Variants in STRAP observed in about 807,000 individuals in gnomAD.
STRAP encodes the protein serine/threonine kinase receptor associated protein.
Under a neutral mutation model 47.0 loss-of-function variants are expected in STRAP, and 16 were observed. That is an observed-to-expected ratio of 0.34 (90% CI 0.23 to 0.52). The LOEUF is 0.52. STRAP is among the 20% of genes least tolerant of loss of function. The pLI is 0.96. For missense variants in STRAP, 293 were observed against 420.0 expected (o/e 0.70, Z 2.64); for synonymous variants, 130 against 142.7 (o/e 0.91, Z 0.63).
In STRAP at chr12:15,900,944, C is replaced by T. The variant is rs2136114259; in HGVS notation, c.926-3C>T. The T allele has an allele frequency of 1.9e-6, 3 of 1,576,638 alleles. No individual in the cohort carries two copies. Among genetic ancestry groups the T allele is most frequent in the South Asian group, 1.2e-5 (1 of 83,908 alleles). Reference sequence around the variant, plus strand: ...ATAATCGTCATTGCTTTTCTTTTTACAGAAGAAGATAGTGGTGAGCTGGCA... The same window carrying T: ...ATAATCGTCATTGCTTTTCTTTTTATAGAAGAAGATAGTGGTGAGCTGGCA... On this transcript the variant is annotated splice_region_variant and splice_polypyrimidine_tract_variant and intron_variant, in intron 8 of 9. Coordinates refer to ENST00000419869, the MANE Select transcript of STRAP (RefSeq NM_007178.4).
intron 2 of STRAP, 49 bp downstream of exon 2, chr12:15,883,725 C>T: frequency 1.3e-6 from 2 of 1,593,922 alleles, no homozygotes; most frequent in Non-Finnish European, 1.7e-6. Flanking sequence ...TAGCTTGTGT[C>T]CTGAAATAAT....
chr12:15,883,692 A>T lies in STRAP; in HGVS notation c.248+16A>T, dbSNP rs1947943206. 4 of 1,612,984 alleles carry T rather than the reference A, an allele frequency of 2.5e-6. No individual in the cohort carries two copies. The highest frequency in any genetic ancestry group is 2.2e-5 in the East Asian group (1 of 44,868). ...ATTTCACAGCGTAAGTGTAGCCAAG[A>T]TGGCTAACTTTGGTGTTCTCTGTAG... On this transcript the variant is annotated intron_variant, in intron 2 of 9. Transcript: ENST00000419869.
rs765820617 is a variant in STRAP at position 15,889,971 on chromosome 12, G to C, written c.292G>C (p.Ala98Pro). Residue 98 changes from alanine (A) to proline (P), a missense_variant, in exon 3 of 10, where the codon GCT becomes CCT. Physicochemically the swap from Ala to Pro is conservative, Grantham distance 27. Around this residue, in one of 5 missense-constraint regions of STRAP, gnomAD observed 152 missense variants for 183.0 expected, o/e 0.83. Transcript: ENST00000419869. Reference sequence around the variant, plus strand: ...CTCAGGAGATGAATTGATGACCCTGGCTCATAAACACATTGTCAAGACTGT... The same window carrying C: ...CTCAGGAGATGAATTGATGACCCTGCCTCATAAACACATTGTCAAGACTGT... ...AVSGDELMTL[A>P]HKHIVKTVDF... 2.5e-6 allele frequency: 4 copies of C among 1,613,698 alleles called. No homozygotes were observed. Among genetic ancestry groups the C allele is most frequent in the South Asian group, 2.2e-5 (2 of 91,068 alleles).
rs1219426417 is a variant in STRAP, at chr12:15,894,139, G to C, written c.496G>C (p.Val166Leu). 4 of 1,611,510 alleles carry C rather than the reference G, an allele frequency of 2.5e-6. No individual in the cohort carries two copies. Among genetic ancestry groups the C allele is most frequent in the Non-Finnish European group, 3.4e-6 (4 of 1,178,678 alleles). ...GATTCTTTCTGCTGATGACAAAACT[G>C]TTCGGTAAGTAATTTTTCTTTAATA... ...KQILSADDKT[V>L]RLWDHATMTE... Residue 166 changes from valine to leucine, a missense_variant, in exon 5 of 10, where the codon GTT (valine) becomes CTT (leucine). Around this residue, in one of 5 missense-constraint regions of STRAP, gnomAD observed 152 missense variants for 183.0 expected, o/e 0.83. Transcript: ENST00000419869. This position sits in a 1 kb window ranked among gnomAD's most constrained non-coding sequence, Gnocchi z 4.9.
At chr12:15,900,882 A>C (rs1370056574) in intron 8 of STRAP, 65 bp from the exon 9 acceptor site, 1 of 1,341,888 alleles carries the variant, frequency 7.5e-7, no homozygotes, top group East Asian at 2.7e-5. Flanking sequence ...CTTCTTGCTT[A>C]TTGAACACTG....
At chr12:15,884,120 ACTC>A (rs1334049984) in intron 2 of STRAP, among the ~76,000 whole-genome samples, 1 of 152,076 alleles carries the variant, frequency 6.6e-6, no homozygotes, top group Non-Finnish European at 1.5e-5. Context: ...AAAAAACAAA[ACTC>A]AGCTGCTCGT....
Position 15,900,993 on chromosome 12 carries a change from G to A in STRAP, c.972G>A (p.Glu324=), listed in dbSNP as rs746926770. 6.1e-5 allele frequency: 97 copies of A among 1,597,690 alleles called. No individual in the cohort carries two copies. Among genetic ancestry groups the A allele is most frequent in the Non-Finnish European group, 2.0e-5 (23 of 1,172,156 alleles). Residue 324 remains glutamate (E), a synonymous_variant, in exon 9 of 10, where the codon GAG becomes GAA. Transcript: ENST00000419869. ...ELAKPKIGFP[E]TTEEELEEIA... ...CAAAGCCAAAGATTGGTTTTCCAGA[G>A]ACAACAGAAGAGGAGCTAGGTAAAT...
Position 15,894,617 on chromosome 12 carries a change from A to G in STRAP, c.500+474A>G, listed in dbSNP as rs1328495928. Among the ~76,000 whole-genome samples the G allele has an allele frequency of 6.6e-6, 1 of 152,220 alleles. No individual in the cohort carries two copies. Among genetic ancestry groups the G allele is most frequent in the Non-Finnish European group, 1.5e-5 (1 of 68,036 alleles). Reference sequence around the variant, plus strand: ...ATCTATTTACTAATACAGGTTGAGTATCCCTAACCTGAAAATCTGAAATTT... The same window carrying G: ...ATCTATTTACTAATACAGGTTGAGTGTCCCTAACCTGAAAATCTGAAATTT... On this transcript the variant is annotated intron_variant, in intron 5 of 9. Transcript: ENST00000419869. This position sits in a 1 kb window ranked among gnomAD's most constrained non-coding sequence, Gnocchi z 4.9.
In STRAP at chr12:15,890,787, C is replaced by A; in HGVS notation, c.403+118C>A. 1 of 828,912 alleles carries A rather than the reference C, an allele frequency of 1.2e-6. No homozygotes were observed. The highest frequency in any genetic ancestry group is 1.9e-6 in the Non-Finnish European group (1 of 534,102). 51.3% of individuals were successfully genotyped at this position (828,912 alleles called of 1,614,324 possible). ...AAATAAAGATAGTCATGGCCGGGCACGGTGGCTCATACCTGTAATCCTAGC... is the reference window on the plus strand; with the variant it reads ...AAATAAAGATAGTCATGGCCGGGCAAGGTGGCTCATACCTGTAATCCTAGC... On this transcript the variant is annotated intron_variant, in intron 4 of 9. Transcript: ENST00000419869. The surrounding 1 kb of genome is among the most constrained non-coding windows in gnomAD (Gnocchi z 4.5).
At chr12:15,901,793 A>G (rs1948104959) in intron 9 of STRAP, among the ~76,000 whole-genome samples, 1 of 146,622 alleles carries the variant, frequency 6.8e-6, no homozygotes, top group African/African-American at 2.5e-5. Flanking sequence ...CCCAGGAGGT[A>G]GAGGTTGCAG....
rs373415625 is a variant in STRAP, at chr12:15,892,579, C to T, written c.404-1468C>T. Among the ~76,000 whole-genome samples, 5 of 152,160 alleles carry T rather than the reference C, an allele frequency of 3.3e-5. No homozygotes were observed. The East Asian group carries it at 7.7e-4, about 24-fold the overall frequency. Reference sequence around the variant, plus strand: ...AGTCAGAACCACATTGGAAATTAAGCGGTTATTCTCTTGAGATACCTTCCA... The same window carrying T: ...AGTCAGAACCACATTGGAAATTAAGTGGTTATTCTCTTGAGATACCTTCCA... On this transcript the variant is annotated intron_variant, in intron 4 of 9. Coordinates refer to ENST00000419869, the MANE Select transcript of STRAP (RefSeq NM_007178.4).
At position 15,901,367 on chromosome 12, in the gene STRAP, G is replaced by T. The variant is rs555201587; in HGVS notation, c.991+355G>T. On this transcript the variant is annotated intron_variant, in intron 9 of 9. Transcript: ENST00000419869. ...CTGGGAACTAAGGATGAGCAGAAAT[G>T]ATTTAGGTGAGGTCATGAGAGGGGG... Among the ~76,000 whole-genome samples the T allele has an allele frequency of 3.3e-5, 5 of 152,246 alleles. No individual in the cohort carries two copies. The South Asian group carries it at 1.0e-3, about 32-fold the overall frequency.
intron 2 of STRAP, among the ~76,000 whole-genome samples, chr12:15,888,619 A>G (rs1472253964): frequency 6.6e-6 from 1 of 152,082 alleles, no homozygotes; most frequent in East Asian, 1.9e-4. Flanking sequence ...TATCTAGAAT[A>G]GCCTTCCCTT....
chr12:15,902,773 C>T, intron 9 of STRAP, 144 bp from the exon 10 acceptor site: 1 of 909,764 alleles, frequency 1.1e-6, no homozygotes, highest in Non-Finnish European at 1.5e-6. Flanking sequence ...GTGGCATGTG[C>T]AGTTGCTCTC....
At chr12:15,902,880 T>C in intron 9 of STRAP, 37 bp from the exon 10 acceptor site, 1 of 1,467,056 alleles carries the variant, frequency 6.8e-7, no homozygotes, top group South Asian at 1.3e-5. Flanking sequence ...AGTTGACTAA[T>C]GTGACTTTTT....
In STRAP at chr12:15,894,783, AAGTTTGAAATCCAACTTTTTTCT is replaced by A. The variant is rs1445716126; in HGVS notation, c.501-575_501-553del. On this transcript the variant is annotated intron_variant, in intron 5 of 9. Transcript: ENST00000419869. The surrounding 1 kb of genome is among the most constrained non-coding windows in gnomAD (Gnocchi z 4.9). ...AATGCAAATATTCCAAAATCCGAAA[AAGTTTGAAATCCAACTTTTTTCT>A]GGTCCCAAGTATTTTCAATTAAGGG... 2.0e-5 allele frequency among the ~76,000 whole-genome samples: 3 copies of A among 152,156 alleles called. No individual in the cohort carries two copies. The highest frequency in any genetic ancestry group is 7.2e-5 in the African/African-American group (3 of 41,428).
At chr12:15,883,784 C>T in intron 2 of STRAP, 108 bp downstream of exon 2, 3 of 1,404,962 alleles carry the variant, frequency 2.1e-6, no homozygotes, top group Non-Finnish European at 2.9e-6. Flanking sequence ...CACTGGCTGC[C>T]ATACAGAACG....
At chr12:15,883,786 T>C (rs1947944086) in intron 2 of STRAP, 110 bp downstream of exon 2, 11 of 1,387,154 alleles carry the variant, frequency 7.9e-6, no homozygotes, top group Non-Finnish European at 1.1e-5. Flanking sequence ...CTGGCTGCCA[T>C]ACAGAACGCA....
intron 8 of STRAP, among the ~76,000 whole-genome samples, chr12:15,900,390 T>C (rs1948093512): frequency 1.3e-5 from 2 of 151,766 alleles, no homozygotes; most frequent in Non-Finnish European, 2.9e-5. Flanking sequence ...ATTAGCCAGG[T>C]GTGGTGGTAC....
Sources: gnomAD v4.1 joint callset for allele counts (sites outside exome capture counted in the v4.1 genomes callset) on GRCh38, gnomAD v4.1.1 for gene constraint, gnomAD v4.1.1 regional missense constraint, Gnocchi (gnomAD v3.1) non-coding constraint, MANE v1.5 for transcripts, NCBI Gene and HGNC (gene_info 2026-07-23, HGNC 2026-07-21) for gene names.